MARCHF1: variants seen among roughly 807,000 people sequenced by gnomAD.
MARCHF1 encodes E3 ubiquitin-protein ligase MARCHF1.
Under a neutral mutation model 54.2 loss-of-function variants are expected in MARCHF1, and 40 were observed. The observed-to-expected ratio is 0.74, with a 90% CI of 0.57 to 0.96. The LOEUF (loss-of-function observed/expected upper bound fraction) is 0.96. MARCHF1 is among the 40% of genes least tolerant of loss of function. MARCHF1 has a pLI of 0.00. For synonymous variants in MARCHF1, 236 were observed against 236.3 expected (o/e 1.00, Z 0.01); for missense variants, 586 against 656.5 (o/e 0.89, Z 1.17).
intron 3 of MARCHF1, among the ~76,000 whole-genome samples, chr4:163,856,313 C>T (rs1284097604): frequency 1.3e-5 from 2 of 152,122 alleles, no homozygotes; most frequent in African/African-American, 4.8e-5. Flanking sequence ...AAAATACATA[C>T]TTTTAATATA....
Position 164,345,614 on chromosome 4 carries a change from T to TAATAAA in MARCHF1, c.-323+38255_-323+38256insTTTATT, listed in dbSNP as rs1212113701. 2.2e-4 allele frequency among the ~76,000 whole-genome samples: 29 copies of TAATAAA among 133,292 alleles called. 1 individual carries two copies. The highest frequency in any genetic ancestry group is 7.6e-4 in the African/African-American group (28 of 36,610). The allele number at this position is 133,292 out of a possible 152,430, so 87.4% of individuals were successfully genotyped here. On this transcript the variant is annotated intron_variant, in intron 1 of 9. Coordinates refer to ENST00000514618, the MANE Select transcript of MARCHF1 (RefSeq NM_001394959.1). ...ATAATAATAATAATAATAATAATAA[T>TAATAAA]AAATTTAAAAGCATAAAATTTAAAA...
intron 1 of MARCHF1, among the ~76,000 whole-genome samples, chr4:164,163,575 C>G (rs1730296402): frequency 6.6e-6 from 1 of 151,644 alleles, no homozygotes; most frequent in Non-Finnish European, 1.5e-5. Flanking sequence ...AAAGACAGGA[C>G]AAATTTTGAA....
chr4:164,357,547 G>A (rs978681981), intron 1 of MARCHF1, among the ~76,000 whole-genome samples: 1 of 152,060 alleles, frequency 6.6e-6, no homozygotes, highest in African/African-American at 2.4e-5. Context: ...TGAGATGAAG[G>A]TTTTGAATTA....
intron 5 of MARCHF1, among the ~76,000 whole-genome samples, chr4:163,633,155 A>G (rs1403131425): frequency 6.6e-6 from 1 of 152,236 alleles, no homozygotes; most frequent in Non-Finnish European, 1.5e-5. Flanking sequence ...AAAAAACAGA[A>G]CAGAAAAACT....
chr4:164,177,159 G>T (rs1311547529), intron 1 of MARCHF1, among the ~76,000 whole-genome samples: 1 of 151,406 alleles, frequency 6.6e-6, no homozygotes, highest in Non-Finnish European at 1.5e-5. Flanking sequence ...TAGGACATTT[G>T]TGTTCTTTTG....
chr4:164,364,371 CT>C (rs1359646321), intron 1 of MARCHF1, among the ~76,000 whole-genome samples: 3 of 151,984 alleles, frequency 2.0e-5, no homozygotes, highest in African/African-American at 7.2e-5. Flanking sequence ...TTTAGCAAAT[CT>C]TAAAAATACA....
At chr4:164,121,882 CAT>C (rs1009740614) in intron 1 of MARCHF1, among the ~76,000 whole-genome samples, 8 of 109,794 alleles carry the variant, frequency 7.3e-5, no homozygotes, top group East Asian at 2.3e-4. Context: ...TAGACAAAGA[CAT>C]ATTAAAAAAA....
At chr4:164,060,291 G>C (rs1754587048) in intron 2 of MARCHF1, among the ~76,000 whole-genome samples, 1 of 152,010 alleles carries the variant, frequency 6.6e-6, no homozygotes, top group Non-Finnish European at 1.5e-5. Flanking sequence ...CAGAAACTGT[G>C]ATTACATGTG....
intron 3 of MARCHF1, among the ~76,000 whole-genome samples, chr4:163,928,056 T>C (rs11726908): frequency 0.12 from 17,734 of 151,816 alleles, 1,090 homozygotes; most frequent in Non-Finnish European, 0.13. Flanking sequence ...ATATATAGTT[T>C]ACTCATGTTA....
In MARCHF1 at chr4:163,524,965, C is replaced by T. The variant is rs1738046019; in HGVS notation, c.*3783G>A. On this transcript the variant is annotated 3_prime_UTR_variant, in exon 10 of 10. Transcript: ENST00000514618. ...TTCTTTAGATGTGGAGGAAACACTGCAGCCCAAAATAACAGTACTTCCTTT... is the reference window on the plus strand; with the variant it reads ...TTCTTTAGATGTGGAGGAAACACTGTAGCCCAAAATAACAGTACTTCCTTT... 2 of 152,132 alleles carry T rather than the reference C, an allele frequency of 1.3e-5. No homozygotes were observed. Among genetic ancestry groups the T allele is most frequent in the Admixed American group, 1.3e-4 (2 of 15,276 alleles). The allele number at this position is 152,132 out of a possible 1,614,324, so 9.4% of individuals were successfully genotyped here.
At chr4:163,731,680 C>T (rs1455933272) in intron 4 of MARCHF1, among the ~76,000 whole-genome samples, 1 of 152,096 alleles carries the variant, frequency 6.6e-6, no homozygotes. Context: ...TATTGATCAT[C>T]ACATATATGT....
chr4:163,807,310 A>G lies in MARCHF1; in HGVS notation c.111+46711T>C, dbSNP rs147576241. 1.1e-3 allele frequency among the ~76,000 whole-genome samples: 164 copies of G among 152,354 alleles called. 2 individuals are homozygous for G. The East Asian group carries it at 0.028, about 26-fold the overall frequency. On this transcript the variant is annotated intron_variant, in intron 4 of 9. Coordinates refer to ENST00000514618, the MANE Select transcript of MARCHF1 (RefSeq NM_001394959.1). ...TTATAACCTTTAGTCAAATGTTTAT[A>G]TACTGTGTATACAGACATACATTTG... is the stretch of plus-strand genomic sequence containing the variant.
intron 7 of MARCHF1, among the ~76,000 whole-genome samples, chr4:163,596,831 T>G (rs1374213669): frequency 6.6e-6 from 1 of 152,210 alleles, no homozygotes; most frequent in Admixed American, 6.5e-5. Flanking sequence ...GCAAAAAGAA[T>G]TGTAGTTTTG....
At chr4:163,843,601 A>G (rs1749401362) in intron 4 of MARCHF1, among the ~76,000 whole-genome samples, 1 of 151,912 alleles carries the variant, frequency 6.6e-6, no homozygotes, top group Non-Finnish European at 1.5e-5. Context: ...ATAGGTAAGC[A>G]TGTGCCATGG....
At chr4:163,566,171 A>G (rs2110993619) in intron 8 of MARCHF1, among the ~76,000 whole-genome samples, 1 of 152,346 alleles carries the variant, frequency 6.6e-6, no homozygotes, top group South Asian at 2.1e-4. Flanking sequence ...TTTTAAGGTA[A>G]TCAGAGCAAT....
chr4:163,943,346 T>C (rs1751953922), intron 3 of MARCHF1, among the ~76,000 whole-genome samples: 1 of 152,308 alleles, frequency 6.6e-6, no homozygotes, highest in Admixed American at 6.5e-5. Context: ...TTTTAATCTA[T>C]CTTGAGTTGA....
At chr4:164,164,313 T>C (rs187815053) in intron 1 of MARCHF1, among the ~76,000 whole-genome samples, 1 of 151,764 alleles carries the variant, frequency 6.6e-6, no homozygotes, top group Non-Finnish European at 1.5e-5. Flanking sequence ...TTTGAAAATA[T>C]CAACAATATA....
chr4:163,981,608 G>A (rs567695940), intron 3 of MARCHF1, among the ~76,000 whole-genome samples: 3 of 152,246 alleles, frequency 2.0e-5, no homozygotes, highest in African/African-American at 7.2e-5. Context: ...GAGCTGGGGG[G>A]AAAGCAATGC....
At chr4:164,093,662 A>C (rs921754864) in intron 2 of MARCHF1, among the ~76,000 whole-genome samples, 1 of 152,166 alleles carries the variant, frequency 6.6e-6, no homozygotes, top group Non-Finnish European at 1.5e-5. Flanking sequence ...CGTCTCTCAC[A>C]GGACAATTCA....
Sources: gnomAD v4.1 joint callset for allele counts (sites outside exome capture counted in the v4.1 genomes callset) on GRCh38, gnomAD v4.1.1 for gene constraint, MANE v1.5 for transcripts, NCBI Gene and HGNC (gene_info 2026-07-23, HGNC 2026-07-21) for gene names.